Variants in FIGN observed in about 807,000 individuals in gnomAD.
FIGN encodes fidgetin, microtubule severing factor, also known as fidgetin.
In FIGN, 11 loss-of-function variants were observed where a neutral mutation model predicts 51.3. The observed-to-expected ratio is 0.21, with a 90% confidence interval of 0.13 to 0.35. The LOEUF (loss-of-function observed/expected upper bound fraction) is 0.35, where lower values mean the gene tolerates loss of function less well. Ranked by LOEUF, FIGN falls within the 10% of genes least tolerant of loss-of-function variation. FIGN has a pLI of 1.00. For synonymous variants in FIGN, 407 were observed against 363.2 expected, an observed-to-expected ratio of 1.12 and a Z score of -1.37; for missense variants, 857 against 943.6, an observed-to-expected ratio of 0.91 and a Z score of 1.20.
intron 2 of FIGN, among the ~76,000 whole-genome samples, chr2:163,724,127 A>G (rs187992265): frequency 6.1e-4 from 93 of 152,274 alleles, no homozygotes; most frequent in African/African-American, 2.2e-3. Flanking sequence ...AGTAAACTAA[A>G]AACTAAGGCT....
intron 2 of FIGN, among the ~76,000 whole-genome samples, chr2:163,693,176 C>T (rs1684264105): frequency 6.6e-6 from 1 of 152,176 alleles, no homozygotes; most frequent in African/African-American, 2.4e-5. Context: ...GCCTCAACCT[C>T]TAAGCAGATT....
At position 163,675,679 on chromosome 2, in the gene FIGN, C is replaced by T. The variant is rs577940727; in HGVS notation, c.25+59224G>A. Among the ~76,000 whole-genome samples, 11 of 141,384 alleles carry T rather than the reference C, an allele frequency of 7.8e-5. No individual in the cohort carries two copies. In the East Asian group the frequency reaches 2.2e-3, roughly 29 times the overall value. The allele number at this position is 141,384 out of a possible 152,430, so 92.8% of individuals were successfully genotyped here. ...TTTTTCTACTTGCCAAGTCCCTTTA[C>T]TTGAATGTCTTTTCTTTTCTTTCTT... On this transcript the variant is annotated intron_variant, in intron 2 of 2. Transcript: ENST00000333129.
intron 2 of FIGN, among the ~76,000 whole-genome samples, chr2:163,615,993 A>G (rs1682869744): frequency 6.6e-6 from 1 of 152,200 alleles, no homozygotes; most frequent in Non-Finnish European, 1.5e-5. Flanking sequence ...TTACATAGGA[A>G]TGACAGGTAC....
At chr2:163,629,797 G>C (rs1683116210) in intron 2 of FIGN, among the ~76,000 whole-genome samples, 2 of 151,936 alleles carry the variant, frequency 1.3e-5, no homozygotes, top group East Asian at 3.9e-4. Flanking sequence ...CTAGGCTGAG[G>C]GGAAAGAAAT....
At chr2:163,655,324 AG>A (rs1349860008) in intron 2 of FIGN, among the ~76,000 whole-genome samples, 1 of 152,206 alleles carries the variant, frequency 6.6e-6, no homozygotes, top group Non-Finnish European at 1.5e-5. Context: ...CATAACTTCA[AG>A]GACCTCAGAG....
At chr2:163,683,135 C>T (rs1372460715) in intron 2 of FIGN, among the ~76,000 whole-genome samples, 1 of 152,096 alleles carries the variant, frequency 6.6e-6, no homozygotes, top group Non-Finnish European at 1.5e-5. Context: ...CATCTTTCTC[C>T]CTTTTCCTCC....
chr2:163,664,628 C>A (rs565533250), intron 2 of FIGN, among the ~76,000 whole-genome samples: 1 of 152,308 alleles, frequency 6.6e-6, no homozygotes, highest in East Asian at 1.9e-4. Flanking sequence ...AGCTCTAAAT[C>A]TACTCGTAGG....
intron 2 of FIGN, among the ~76,000 whole-genome samples, chr2:163,727,261 A>C (rs1684851922): frequency 6.6e-6 from 1 of 152,114 alleles, no homozygotes; most frequent in African/African-American, 2.4e-5. Context: ...GGAGTAAAGC[A>C]GGAAAAGATG....
chr2:163,612,424 A>T (rs1250868803), intron 2 of FIGN: 1 of 984,862 alleles, frequency 1.0e-6, no homozygotes, highest in African/African-American at 1.8e-5. Flanking sequence ...CCATAATCCA[A>T]CTCTCATCTA....
At chr2:163,624,099 A>C (rs752234064) in intron 2 of FIGN, among the ~76,000 whole-genome samples, 1 of 152,076 alleles carries the variant, frequency 6.6e-6, no homozygotes, top group Admixed American at 6.6e-5. Flanking sequence ...ACAGCTAAAT[A>C]ACACACCTTT....
chr2:163,642,427 C>T lies in FIGN; in HGVS notation c.26-30621G>A, dbSNP rs370115471. The stretch of plus-strand genomic sequence containing the variant: ...GCACTCTGATGATCTGCTTCCTCAT[C>T]TACAAAGAGTTACCTTAGCTTACCC... On this transcript the variant is annotated intron_variant, in intron 2 of 2. Transcript: ENST00000333129. Among the ~76,000 whole-genome samples the T allele has an allele frequency of 2.8e-3, 427 of 152,342 alleles. 7 individuals are homozygous for T. The highest frequency in any genetic ancestry group is 0.017 in the South Asian group (81 of 4,830).
At chr2:163,614,077 G>C (rs1682824540) in intron 2 of FIGN, among the ~76,000 whole-genome samples, 1 of 152,068 alleles carries the variant, frequency 6.6e-6, no homozygotes, top group African/African-American at 2.4e-5. Flanking sequence ...TGGGAAAATA[G>C]TATTATAAAA....
At chr2:163,734,557 C>CAAAAAAAA (rs34286375) in intron 2 of FIGN, among the ~76,000 whole-genome samples, 2 of 102,874 alleles carry the variant, frequency 1.9e-5, no homozygotes, top group African/African-American at 3.7e-5. Flanking sequence ...CTCCCTCCTT[C>CAAAAAAAA]AAAAAAAAAA....
chr2:163,669,807 G>A (rs1385436793), intron 2 of FIGN, among the ~76,000 whole-genome samples: 1 of 152,056 alleles, frequency 6.6e-6, no homozygotes, highest in African/African-American at 2.4e-5. Context: ...TTTCCCTAGT[G>A]ACAATAAAAT....
intron 2 of FIGN, among the ~76,000 whole-genome samples, chr2:163,665,604 T>C (rs891288221): frequency 2.0e-5 from 3 of 152,204 alleles, no homozygotes; most frequent in Admixed American, 2.0e-4. Flanking sequence ...GAACTATTTC[T>C]ATTAAGCCCA....
intron 2 of FIGN, among the ~76,000 whole-genome samples, chr2:163,630,036 C>G (rs535079945): frequency 7.2e-6 from 1 of 139,454 alleles, no homozygotes; most frequent in African/African-American, 2.7e-5. Context: ...TCTTGGCTCA[C>G]GGCAACCTCA....
At chr2:163,722,194 T>C (rs1684769123) in intron 2 of FIGN, among the ~76,000 whole-genome samples, 1 of 152,184 alleles carries the variant, frequency 6.6e-6, no homozygotes. Context: ...TTTAGTTAGA[T>C]AAAGGTCCCA....
At chr2:163,611,878 T>A in intron 2 of FIGN, 72 bp from the exon 3 acceptor site, 1 of 1,318,790 alleles carries the variant, frequency 7.6e-7, no homozygotes, top group Non-Finnish European at 1.0e-6. Flanking sequence ...TTTCCCCCAA[T>A]TTCTTTTGTT....
chr2:163,716,252 C>T (rs1297269062), intron 2 of FIGN, among the ~76,000 whole-genome samples: 2 of 152,200 alleles, frequency 1.3e-5, no homozygotes. Context: ...GAATCTTCCA[C>T]AAGTCCAGAT....
Sources: allele counts gnomAD v4.1 joint callset (sites outside exome capture counted in the v4.1 genomes callset), GRCh38; gene constraint gnomAD v4.1.1; transcripts MANE v1.5; gene names NCBI Gene and HGNC (gene_info 2026-07-23, HGNC 2026-07-21).